The following SHROOM4 variants were observed in gnomAD, a reference collection of about 807,000 sequenced individuals.
The protein encoded by SHROOM4 is protein Shroom4.
Under a neutral mutation model 80.3 loss-of-function variants are expected in SHROOM4, and 17 were observed. That is an observed-to-expected ratio of 0.21 (90% CI 0.14 to 0.32). The LOEUF (loss-of-function observed/expected upper bound fraction) is 0.32, where lower values mean the gene tolerates loss of function less well. Ranked by LOEUF, SHROOM4 falls within the 10% of genes least tolerant of loss-of-function variation. The pLI is 1.00. For missense variants in SHROOM4, 993 were observed against 1,140.3 expected (o/e 0.87, Z 1.86); for synonymous variants, 400 against 437.5 (o/e 0.91, Z 1.07).
At chrX:50,638,459 C>A (rs1422400513) in intron 2 of SHROOM4, 151 bp from the exon 3 acceptor site, 2 of 678,624 alleles carry the variant, frequency 2.9e-6, no homozygotes, top group African/African-American at 4.4e-5. Context: ...CTCCTGAGCT[C>A]CTAGTTCTCA....
At chrX:50,777,742 T>C (rs1448913496) in intron 1 of SHROOM4, among the ~76,000 whole-genome samples, 1 of 112,094 alleles carries the variant, frequency 8.9e-6, no homozygotes, top group Non-Finnish European at 1.9e-5. Context: ...TCTGACCCTT[T>C]CCACAGTGTT....
intron 2 of SHROOM4, among the ~76,000 whole-genome samples, chrX:50,639,749 G>A (rs782101858): frequency 1.8e-5 from 2 of 111,518 alleles, no homozygotes; most frequent in Non-Finnish European, 3.8e-5. Flanking sequence ...GATCTCAGTA[G>A]TACAAGGCTC....
At chrX:50,802,350 C>T (rs1936142157) in intron 1 of SHROOM4, among the ~76,000 whole-genome samples, 1 of 111,810 alleles carries the variant, frequency 8.9e-6, no homozygotes, top group Admixed American at 9.5e-5. Context: ...TAAACATGCT[C>T]CCCAACTGCC....
chrX:50,619,770 A>G (rs1930497908), intron 5 of SHROOM4, among the ~76,000 whole-genome samples: 1 of 111,734 alleles, frequency 8.9e-6, no homozygotes, highest in Admixed American at 9.5e-5. Context: ...GAATAATAGC[A>G]CTGAAATGCA....
intron 2 of SHROOM4, among the ~76,000 whole-genome samples, chrX:50,640,150 A>G (rs1417439861): frequency 2.7e-5 from 3 of 111,965 alleles, no homozygotes; most frequent in Non-Finnish European, 5.6e-5. Context: ...AGCATCTACC[A>G]GTAGTAGTAC....
chrX:50,602,809 C>T lies in SHROOM4; in HGVS notation c.3766G>A (p.Glu1256Lys), dbSNP rs1161394578. The change falls in exon 7 of 9, where the codon GAG becomes AAG. Residue 1256 changes from glutamate to lysine, a missense_variant. Glu to Lys is a moderately conservative substitution (Grantham distance 56, BLOSUM62 1). Transcript: ENST00000376020. ...GAAGGAGGCGAAAAGTGCTGAAACTCTTGTCTGTGGAAACAAAGAATGACC... is the reference window on the plus strand; with the variant it reads ...GAAGGAGGCGAAAAGTGCTGAAACTTTTGTCTGTGGAAACAAAGAATGACC... ...GQEATESAKQ[E>K]FQHFSPPSGA... is the part of the protein sequence containing the mutation. The T allele has an allele frequency of 8.3e-7, 1 of 1,207,693 alleles. No individual in the cohort carries two copies. The highest frequency in any genetic ancestry group is 1.1e-6 in the Non-Finnish European group (1 of 893,936).
chrX:50,735,823 T>C (rs113205670), intron 1 of SHROOM4, among the ~76,000 whole-genome samples: 3 of 110,409 alleles, frequency 2.7e-5, no homozygotes, highest in East Asian at 2.9e-4. Context: ...CTGGCCAATA[T>C]AGTGAAACCC....
At chrX:50,723,768 G>T (rs1360533409) in intron 1 of SHROOM4, among the ~76,000 whole-genome samples, 1 of 111,130 alleles carries the variant, frequency 9.0e-6, no homozygotes, top group Non-Finnish European at 1.9e-5. Context: ...TCAAGGGCCT[G>T]TATCCCTTCC....
chrX:50,621,649 G>A (rs1221838589), intron 5 of SHROOM4, among the ~76,000 whole-genome samples: 1 of 111,749 alleles, frequency 8.9e-6, no homozygotes, highest in Admixed American at 9.5e-5. Flanking sequence ...AGTTTCGTGT[G>A]CCTGGCGTTA....
At chrX:50,703,979 C>A (rs1179448047) in intron 1 of SHROOM4, among the ~76,000 whole-genome samples, 3 of 111,612 alleles carry the variant, frequency 2.7e-5, no homozygotes, top group Non-Finnish European at 5.6e-5. Context: ...CAGAGTGGAA[C>A]AAACCGGAGG....
At chrX:50,709,118 A>G (rs1933748632) in intron 1 of SHROOM4, among the ~76,000 whole-genome samples, 1 of 111,017 alleles carries the variant, frequency 9.0e-6, no homozygotes, top group Non-Finnish European at 1.9e-5. Context: ...AGAATCTCTT[A>G]TTTGCAACAT....
At chrX:50,668,818 A>G (rs1481757608) in intron 2 of SHROOM4, among the ~76,000 whole-genome samples, 2 of 112,828 alleles carry the variant, frequency 1.8e-5, no homozygotes, top group Non-Finnish European at 3.7e-5. Flanking sequence ...TAGAACTTAA[A>G]AATACAATAT....
chrX:50,805,145 G>A (rs782226641), intron 1 of SHROOM4, among the ~76,000 whole-genome samples: 1 of 111,351 alleles, frequency 9.0e-6, no homozygotes, highest in Non-Finnish European at 1.9e-5. Context: ...CAAAGACAAG[G>A]CTTTAGCTTG....
At chrX:50,714,682 G>A (rs1933902995) in intron 1 of SHROOM4, among the ~76,000 whole-genome samples, 1 of 112,097 alleles carries the variant, frequency 8.9e-6, no homozygotes, top group African/African-American at 3.2e-5. Context: ...TTAATTTACA[G>A]TATGTTAAGA....
At chrX:50,580,644 C>T in the SHROOM4 span, among the ~76,000 whole-genome samples, 1 of 111,449 alleles carries the variant, frequency 9.0e-6, no homozygotes, top group Admixed American at 9.6e-5. Context: ...AATTCCAGTG[C>T]CAGGCACAGT....
intron 1 of SHROOM4, among the ~76,000 whole-genome samples, chrX:50,744,562 T>C (rs1934736154): frequency 8.9e-6 from 1 of 112,043 alleles, no homozygotes; most frequent in Non-Finnish European, 1.9e-5. Context: ...TAATAGCTGC[T>C]TTAAAGTCCT....
chrX:50,810,858 A>G (rs1416418841), intron 1 of SHROOM4, among the ~76,000 whole-genome samples: 1 of 112,242 alleles, frequency 8.9e-6, no homozygotes, highest in Non-Finnish European at 1.9e-5. Context: ...TTTCTCCACA[A>G]TCTTTCCTGA....
At chrX:50,660,545 CCT>C (rs1379236606) in intron 2 of SHROOM4, among the ~76,000 whole-genome samples, 2 of 40,379 alleles carry the variant, frequency 5.0e-5, no homozygotes, top group Non-Finnish European at 9.4e-5. Flanking sequence ...TCCCTCCCTC[CCT>C]CTCTCTCCCT....
intron 1 of SHROOM4, among the ~76,000 whole-genome samples, chrX:50,731,034 G>C (rs1048415164): frequency 9.1e-6 from 1 of 110,247 alleles, no homozygotes; most frequent in Non-Finnish European, 1.9e-5. Flanking sequence ...TTCTTTAAAA[G>C]ATATAAGGTT....
Sources: gnomAD v4.1 joint callset for allele counts (sites outside exome capture counted in the v4.1 genomes callset) on GRCh38, gnomAD v4.1.1 for gene constraint, MANE v1.5 for transcripts, NCBI Gene and HGNC (gene_info 2026-07-23, HGNC 2026-07-21) for gene names.